Variants in LARP4 observed in about 807,000 individuals in gnomAD.
The protein encoded by LARP4 is La ribonucleoprotein 4.
Under a neutral mutation model 92.9 loss-of-function variants are expected in LARP4, and 29 were observed. The ratio of observed to expected loss-of-function variants is 0.31; its 90% CI spans 0.23 to 0.43. LARP4 has a LOEUF of 0.43. LARP4 is among the 20% of genes least tolerant of loss of function. The pLI is 1.00. For missense variants in LARP4, 732 were observed against 860.0 expected (o/e 0.85, Z 1.86); for synonymous variants, 279 against 284.1 (o/e 0.98, Z 0.18).
chr12:50,478,669 G>C lies in LARP4; in HGVS notation c.*2805G>C, dbSNP rs1957695848. On this transcript the variant is annotated 3_prime_UTR_variant, in exon 16 of 16. Transcript: ENST00000398473. ...TTCTTACTGCATGAAGAGAACAAGA[G>C]TCACACAAGTTCACCACTTTGCACT... 6.6e-6 allele frequency: 1 copy of C among 152,112 alleles called. No individual in the cohort carries two copies. The highest frequency in any genetic ancestry group is 6.5e-5 in the Admixed American group (1 of 15,268). 9.4% of individuals were successfully genotyped at this position (152,112 alleles called of 1,614,324 possible).
chr12:50,417,916 A>G (rs1947111299), intron 1 of LARP4, among the ~76,000 whole-genome samples: 1 of 152,024 alleles, frequency 6.6e-6, no homozygotes, highest in Admixed American at 6.6e-5. Context: ...GCTGCAGTGT[A>G]ATGGCGCGAT....
intron 12 of LARP4, among the ~76,000 whole-genome samples, chr12:50,466,624 G>A (rs1485680232): frequency 2.0e-5 from 3 of 151,894 alleles, no homozygotes; most frequent in Non-Finnish European, 4.4e-5. Context: ...AAAAAAAAAA[G>A]AGTTGATAGC....
Position 50,435,480 on chromosome 12 carries a change from T to TTATTC in LARP4, c.399-7_399-6insATTCT, listed in dbSNP as rs113327207. The stretch of plus-strand genomic sequence containing the variant: ...TGCTTGTTTTATAGGACTATTTTGT[T>TTATTC]TTTTCAGAGAAAATTTGTCAAAGGA... On this transcript the variant is annotated splice_polypyrimidine_tract_variant and splice_region_variant and intron_variant, in intron 4 of 15. Coordinates refer to ENST00000398473, the MANE Select transcript of LARP4 (RefSeq NM_052879.5). The TTATTC allele has an allele frequency of 0.93, 1,333,453 of 1,435,960 alleles. 625,053 individuals carry two copies. The highest frequency in any genetic ancestry group is 0.98 in the East Asian group (42,810 of 43,886). 89.0% of individuals were successfully genotyped at this position (1,435,960 alleles called of 1,614,324 possible).
chr12:50,457,793 GAC>G (rs1480109373), intron 10 of LARP4, among the ~76,000 whole-genome samples: 2 of 137,910 alleles, frequency 1.5e-5, no homozygotes, highest in African/African-American at 2.7e-5. Context: ...CAGCCTGGGT[GAC>G]ACAGCCAGAC....
At chr12:50,410,664 A>G (rs1264528031) in intron 1 of LARP4, among the ~76,000 whole-genome samples, 2 of 152,126 alleles carry the variant, frequency 1.3e-5, no homozygotes, top group Non-Finnish European at 2.9e-5. Context: ...TCAGCCTCCC[A>G]AAGTGCTGGG....
At position 50,427,993 on chromosome 12, in the gene LARP4, C is replaced by CTTTT. The variant is rs781256448; in HGVS notation, c.166+101_166+104dup. 1.3e-3 allele frequency: 409 copies of CTTTT among 305,640 alleles called. 2 individuals carry two copies. The highest frequency in any genetic ancestry group is 2.2e-3 in the Middle Eastern group (2 of 926). 18.9% of individuals were successfully genotyped at this position (305,640 alleles called of 1,614,324 possible). On this transcript the variant is annotated intron_variant, in intron 2 of 15. Coordinates refer to ENST00000398473, the MANE Select transcript of LARP4 (RefSeq NM_052879.5). ...AGTTTACTGAACTTGAGACACATCT[C>CTTTT]TTTTTTTTTTTTTTTTTTTTGAGAC...
chr12:50,446,994 A>T (rs1370410669), intron 8 of LARP4, among the ~76,000 whole-genome samples: 1 of 152,174 alleles, frequency 6.6e-6, no homozygotes, highest in African/African-American at 2.4e-5. Flanking sequence ...CATTCATTGC[A>T]GTGGTAATTT....
chr12:50,429,868 A>G (rs1291672597), intron 3 of LARP4, among the ~76,000 whole-genome samples: 1 of 152,056 alleles, frequency 6.6e-6, no homozygotes, highest in Non-Finnish European at 1.5e-5. Flanking sequence ...CAAACTCCTG[A>G]CCTCAAGTAA....
At chr12:50,402,297 CATAAT>C (rs1417615738) in intron 1 of LARP4, among the ~76,000 whole-genome samples, 1 of 151,862 alleles carries the variant, frequency 6.6e-6, no homozygotes, top group Non-Finnish European at 1.5e-5. Flanking sequence ...ATCTAACATT[CATAAT>C]AAACATTCAT....
chr12:50,408,024 G>A (rs79493577), intron 1 of LARP4, among the ~76,000 whole-genome samples: 3,845 of 151,996 alleles, frequency 0.025, 150 homozygotes, highest in African/African-American at 0.089. Flanking sequence ...TATCTCTACT[G>A]TTTTTAAATG....
chr12:50,423,868 C>T (rs1482427213), intron 1 of LARP4, among the ~76,000 whole-genome samples: 1 of 151,968 alleles, frequency 6.6e-6, no homozygotes, highest in Non-Finnish European at 1.5e-5. Flanking sequence ...TCTCCTGCCT[C>T]AGCCTCCCGA....
intron 13 of LARP4, among the ~76,000 whole-genome samples, chr12:50,468,104 T>G (rs752771366): frequency 3.2e-4 from 48 of 151,360 alleles, no homozygotes; most frequent in Non-Finnish European, 5.5e-4. Context: ...CTCAGCCTCA[T>G]GAGTAGCTGG....
intron 7 of LARP4, among the ~76,000 whole-genome samples, chr12:50,440,774 A>G (rs1162796410): frequency 6.6e-6 from 1 of 152,188 alleles, no homozygotes; most frequent in Non-Finnish European, 1.5e-5. Context: ...ATATTAACAT[A>G]ACAGTTTTAA....
intron 1 of LARP4, among the ~76,000 whole-genome samples, chr12:50,417,204 T>G (rs531448712): frequency 1.7e-4 from 26 of 151,748 alleles, no homozygotes; most frequent in African/African-American, 5.6e-4. Context: ...GGTCAGGAGT[T>G]CAAGATCAGC....
At chr12:50,406,103 A>G (rs1384885839) in intron 1 of LARP4, among the ~76,000 whole-genome samples, 1 of 152,174 alleles carries the variant, frequency 6.6e-6, no homozygotes, top group African/African-American at 2.4e-5. Flanking sequence ...TGGAGGGCCA[A>G]CTGTACTTAC....
intron 8 of LARP4, among the ~76,000 whole-genome samples, chr12:50,446,653 T>G (rs1368401327): frequency 6.6e-6 from 1 of 150,566 alleles, no homozygotes; most frequent in Non-Finnish European, 1.5e-5. Flanking sequence ...GGTCTCGAAT[T>G]CCTGACCTTG....
rs945391640 is a variant in LARP4, at chr12:50,479,571, A to G, written c.*3707A>G. On this transcript the variant is annotated 3_prime_UTR_variant, in exon 16 of 16. Coordinates refer to ENST00000398473, the MANE Select transcript of LARP4 (RefSeq NM_052879.5). ...GTGAGTAAATCCTCCTTTGAAATTC[A>G]CCTGATTATTAGATAACTTAAAGTT... The G allele has an allele frequency of 6.6e-6, 1 of 152,220 alleles. No homozygotes were observed. The highest frequency in any genetic ancestry group is 1.5e-5 in the Non-Finnish European group (1 of 68,038). The allele number at this position is 152,220 out of a possible 1,614,324, so 9.4% of individuals were successfully genotyped here.
chr12:50,409,488 C>A (rs983978987), intron 1 of LARP4, among the ~76,000 whole-genome samples: 1 of 151,928 alleles, frequency 6.6e-6, no homozygotes, highest in Non-Finnish European at 1.5e-5. Context: ...GGGCCAGGTG[C>A]AGTGGCTCAT....
chr12:50,475,460 C>A, intron 15 of LARP4, 66 bp from the exon 16 acceptor site: 1 of 1,340,018 alleles, frequency 7.5e-7, no homozygotes, highest in South Asian at 1.4e-5. Context: ...TTAACACAAT[C>A]ATTTTTATAC....
Sources: gnomAD v4.1 joint callset for allele counts (sites outside exome capture counted in the v4.1 genomes callset) on GRCh38, gnomAD v4.1.1 for gene constraint, MANE v1.5 for transcripts, NCBI Gene and HGNC (gene_info 2026-07-23, HGNC 2026-07-21) for gene names.